BTK: variants seen among roughly 807,000 people sequenced by gnomAD.
The protein encoded by BTK is Bruton tyrosine kinase, also known as tyrosine-protein kinase BTK.
BTK carries 5 observed loss-of-function variants against 57.4 expected under a neutral mutation model. That is an observed-to-expected ratio of 0.09 (90% CI 0.05 to 0.18). The LOEUF (loss-of-function observed/expected upper bound fraction) is 0.18, where lower values mean the gene tolerates loss of function less well. Among genes scored for constraint, BTK ranks in the 10% least tolerant of loss-of-function variants. The pLI, the probability that BTK is intolerant of heterozygous loss-of-function variation, is 1.00. For synonymous variants in BTK, 154 were observed against 174.3 expected, an observed-to-expected ratio of 0.88 and a Z score of 0.92; for missense variants, 194 against 501.2, an observed-to-expected ratio of 0.39 and a Z score of 5.85.
chrX:101,375,180 G>A lies in BTK; in HGVS notation c.105C>T (p.His35=), dbSNP rs1927167111. ...AGTCATACTCATAGTAGGAGAGTTTGTGCACGGTCAAGAGAAACAGGCGCT... is the reference window on the plus strand; with the variant it reads ...AGTCATACTCATAGTAGGAGAGTTTATGCACGGTCAAGAGAAACAGGCGCT... ...FKKRLFLLTV[H]KLSYYEYDFE... The change falls in exon 2 of 19, where the codon CAC becomes CAT. Residue 35 remains histidine, a synonymous_variant. Transcript: ENST00000308731. 1.7e-6 allele frequency: 2 copies of A among 1,209,942 alleles called. No individual in the cohort carries two copies. Among genetic ancestry groups the A allele is most frequent in the Non-Finnish European group, 2.2e-6 (2 of 895,194 alleles).
chrX:101,375,094 G>A, intron 2 of BTK, 50 bp downstream of exon 2: 1 of 1,204,368 alleles, frequency 8.3e-7, no homozygotes, highest in Non-Finnish European at 1.1e-6. Context: ...AAGATCTAAG[G>A]CCAAGTCCTT....
chrX:101,373,812 C>G (rs1050736867), intron 3 of BTK, among the ~76,000 whole-genome samples: 12 of 111,413 alleles, frequency 1.1e-4, no homozygotes, highest in African/African-American at 3.3e-4. Flanking sequence ...GAGGCCGAGA[C>G]AGGCGGATCA....
intron 4 of BTK, among the ~76,000 whole-genome samples, chrX:101,370,917 C>T (rs782643299): frequency 1.8e-5 from 2 of 112,492 alleles, no homozygotes; most frequent in Non-Finnish European, 3.8e-5. Flanking sequence ...TCAAAGGTTT[C>T]GTAAATTTGA....
At chrX:101,358,559 G>C (rs782465507) in intron 11 of BTK, 58 bp downstream of exon 11, 43 of 1,165,921 alleles carry the variant, frequency 3.7e-5, no homozygotes, top group Non-Finnish European at 5.0e-5. Flanking sequence ...GCATCAAGGA[G>C]CTATTAGGAG....
rs781869150 is a variant in BTK, at chrX:101,349,976, A to G, written c.1909-20T>C. On this transcript the variant is annotated intron_variant, in intron 18 of 18. Transcript: ENST00000308731. ...TGCTTTCTAAAACCAAAGAAAAAGT[A>G]AAGTGTTAGAGTGGCTAGAATCCAG... The G allele has an allele frequency of 1.1e-5, 13 of 1,146,332 alleles. No individual in the cohort carries two copies. The African/African-American group carries it at 1.6e-4, about 14-fold the overall frequency. 94.5% of individuals were successfully genotyped at this position (1,146,332 alleles called of 1,213,427 possible).
At chrX:101,372,103 T>C (rs1927053529) in intron 3 of BTK, among the ~76,000 whole-genome samples, 1 of 112,096 alleles carries the variant, frequency 8.9e-6, no homozygotes, top group Non-Finnish European at 1.9e-5. Flanking sequence ...ATTATTTATA[T>C]AATCCTGTGG....
At chrX:101,367,430 G>T (rs895026428) in intron 5 of BTK, among the ~76,000 whole-genome samples, 6 of 107,587 alleles carry the variant, frequency 5.6e-5, no homozygotes, top group Admixed American at 1.0e-4. Context: ...GAGGTCAGGA[G>T]TTTGAGACGA....
At chrX:101,383,739 A>G (rs1603026197) in intron 1 of BTK, among the ~76,000 whole-genome samples, 1 of 111,562 alleles carries the variant, frequency 9.0e-6, no homozygotes, top group Non-Finnish European at 1.9e-5. Flanking sequence ...AATCCTAAAG[A>G]CATCTTGTGA....
chrX:101,382,843 TTTTA>T (rs1555981981), intron 1 of BTK, among the ~76,000 whole-genome samples: 1 of 111,020 alleles, frequency 9.0e-6, no homozygotes, highest in African/African-American at 3.3e-5. Flanking sequence ...GGCTTAAACA[TTTTA>T]TTTATTTTTT....
At chrX:101,363,449 G>A (rs1477497325) in intron 5 of BTK, among the ~76,000 whole-genome samples, 2 of 111,673 alleles carry the variant, frequency 1.8e-5, no homozygotes, top group Admixed American at 9.5e-5. Flanking sequence ...GGCCAGACGC[G>A]GTGGCTCACG....
intron 1 of BTK, among the ~76,000 whole-genome samples, chrX:101,381,955 C>G (rs782146744): frequency 1.0e-4 from 11 of 107,360 alleles, no homozygotes; most frequent in Non-Finnish European, 2.1e-4. Context: ...TTGCTTGAAC[C>G]CAGGAGGCGG....
intron 18 of BTK, among the ~76,000 whole-genome samples, chrX:101,352,220 A>C (rs988767449): frequency 3.6e-5 from 4 of 111,436 alleles, no homozygotes; most frequent in Non-Finnish European, 7.5e-5. Flanking sequence ...TTGGCAGCTA[A>C]TAAAGTAGAA....
At chrX:101,374,434 T>C in intron 3 of BTK, 102 bp downstream of exon 3, 1 of 683,027 alleles carries the variant, frequency 1.5e-6, no homozygotes, top group Non-Finnish European at 2.4e-6. Flanking sequence ...CTTGACCGTG[T>C]TCCACGTTGC....
chrX:101,368,714 A>C (rs1389157670), intron 5 of BTK, among the ~76,000 whole-genome samples: 1 of 112,355 alleles, frequency 8.9e-6, no homozygotes, highest in African/African-American at 3.2e-5. Context: ...ATTAAATGAG[A>C]TAATATATAA....
At chrX:101,388,572 G>T (rs1569299496), upstream of BTK, among the ~76,000 whole-genome samples, 2 of 111,890 alleles carry the variant, frequency 1.8e-5, no homozygotes, top group African/African-American at 6.5e-5. Context: ...ACAGAAGAGG[G>T]CAATTAGTTC....
intron 15 of BTK, among the ~76,000 whole-genome samples, chrX:101,355,165 T>A (rs1322775683): frequency 8.9e-6 from 1 of 111,948 alleles, no homozygotes; most frequent in Non-Finnish European, 1.9e-5. Context: ...TGATCCCAGC[T>A]ACTTGGGAGG....
intron 11 of BTK, 42 bp from the exon 12 acceptor site, chrX:101,358,479 T>C: frequency 1.7e-6 from 2 of 1,209,054 alleles, no homozygotes; most frequent in East Asian, 5.9e-5. Context: ...GGCACAAAGG[T>C]CAACAGAACC....
At chrX:101,368,987 C>T (rs1926942241) in intron 5 of BTK, among the ~76,000 whole-genome samples, 1 of 112,246 alleles carries the variant, frequency 8.9e-6, no homozygotes, top group African/African-American at 3.2e-5. Flanking sequence ...TCTAGGCAGC[C>T]TTTCCTGATG....
intron 1 of BTK, among the ~76,000 whole-genome samples, chrX:101,384,447 A>G (rs1031844145): frequency 1.3e-4 from 15 of 111,394 alleles, no homozygotes; most frequent in African/African-American, 4.2e-4. Context: ...GAAATACAAA[A>G]TTAGCTGGGC....
Sources: allele counts gnomAD v4.1 joint callset (sites outside exome capture counted in the v4.1 genomes callset), GRCh38; gene constraint gnomAD v4.1.1; transcripts MANE v1.5; gene names NCBI Gene and HGNC (gene_info 2026-07-23, HGNC 2026-07-21).